The following EYS variants were observed in gnomAD, a reference collection of about 807,000 sequenced individuals.
EYS encodes the protein EGF-like photoreceptor maintenance factor.
In EYS, 250 loss-of-function variants were observed where a neutral mutation model predicts 282.1. That is an observed-to-expected ratio of 0.89 (90% confidence interval 0.80 to 0.98). EYS has a LOEUF of 0.98. Among genes scored for constraint, EYS ranks in the 50% least tolerant of loss-of-function variants. The pLI is 0.00. For missense variants in EYS, 4,016 were observed against 3,709.0 expected, an observed-to-expected ratio of 1.08 and a Z score of -2.15; for synonymous variants, 1,355 against 1,282.9, an observed-to-expected ratio of 1.06 and a Z score of -1.20.
At chr6:64,472,683 C>T (rs767250161) in intron 26 of EYS, among the ~76,000 whole-genome samples, 4 of 152,030 alleles carry the variant, frequency 2.6e-5, no homozygotes, top group Non-Finnish European at 4.4e-5. Context: ...GATATAGGCA[C>T]ATCAAAGATA....
At chr6:64,146,322 A>AGT (rs1175846890) in intron 31 of EYS, among the ~76,000 whole-genome samples, 1 of 152,216 alleles carries the variant, frequency 6.6e-6, no homozygotes, top group Admixed American at 6.6e-5. Context: ...TGTCACCAGA[A>AGT]GTGTGTGGGT....
chr6:64,582,350 G>A (rs1766097657), intron 26 of EYS, among the ~76,000 whole-genome samples: 2 of 152,220 alleles, frequency 1.3e-5, no homozygotes, highest in South Asian at 2.1e-4. Flanking sequence ...CTTCTGATGA[G>A]AATCTAACTA....
chr6:63,796,074 C>T (rs944799645), intron 37 of EYS, among the ~76,000 whole-genome samples: 3 of 152,108 alleles, frequency 2.0e-5, no homozygotes, highest in African/African-American at 7.2e-5. Context: ...AAGCATAAAA[C>T]TCATTTATTA....
intron 12 of EYS, among the ~76,000 whole-genome samples, chr6:65,165,446 T>G (rs191828692): frequency 3.7e-4 from 56 of 151,382 alleles, no homozygotes; most frequent in Admixed American, 3.2e-3. Context: ...ATATTTTTCT[T>G]AAAACAGAAT....
At chr6:64,149,492 G>A (rs966555972) in intron 31 of EYS, among the ~76,000 whole-genome samples, 21 of 152,258 alleles carry the variant, frequency 1.4e-4, no homozygotes, top group Non-Finnish European at 2.1e-4. Context: ...AAGATTTTGC[G>A]AGGATAGGAA....
At chr6:64,399,873 G>A (rs573804303) in intron 28 of EYS, among the ~76,000 whole-genome samples, 2 of 151,850 alleles carry the variant, frequency 1.3e-5, no homozygotes, top group African/African-American at 4.8e-5. Flanking sequence ...CTTTTTAATC[G>A]GAGCTGGTCC....
At chr6:65,362,549 T>C (rs1233690545) in intron 8 of EYS, among the ~76,000 whole-genome samples, 1 of 151,854 alleles carries the variant, frequency 6.6e-6, no homozygotes, top group African/African-American at 2.4e-5. Flanking sequence ...CATATATGTA[T>C]GTATACACAT....
intron 22 of EYS, among the ~76,000 whole-genome samples, chr6:64,735,969 G>A (rs905932155): frequency 9.9e-5 from 15 of 151,852 alleles, no homozygotes; most frequent in African/African-American, 2.9e-4. Context: ...CAATCAAACC[G>A]ATAGCTTAGT....
At chr6:63,889,277 A>C (rs1167173060) in intron 35 of EYS, among the ~76,000 whole-genome samples, 9 of 152,202 alleles carry the variant, frequency 5.9e-5, no homozygotes, top group Admixed American at 5.9e-4. Context: ...AATTCAGGAA[A>C]TACAGAGAAC....
At chr6:65,570,094 C>G (rs897983875) in intron 2 of EYS, among the ~76,000 whole-genome samples, 2 of 151,084 alleles carry the variant, frequency 1.3e-5, no homozygotes, top group Non-Finnish European at 2.9e-5. Context: ...GTTTTCAGCT[C>G]TAGGTGTGTG....
chr6:64,120,281 A>G (rs1016728285), intron 31 of EYS, among the ~76,000 whole-genome samples: 110 of 147,408 alleles, frequency 7.5e-4, no homozygotes, highest in African/African-American at 2.6e-3. Flanking sequence ...GCGTGAACCC[A>G]GGAGGCGGAG....
chr6:63,909,084 G>C (rs1011184561), intron 35 of EYS, among the ~76,000 whole-genome samples: 1 of 152,152 alleles, frequency 6.6e-6, no homozygotes, highest in Admixed American at 6.5e-5. Context: ...GGCCCATAGA[G>C]CCAGGTCATG....
chr6:64,740,586 G>A (rs1352905531), intron 22 of EYS, among the ~76,000 whole-genome samples: 22 of 152,144 alleles, frequency 1.4e-4, no homozygotes, highest in Non-Finnish European at 1.5e-5. Context: ...ACAAAGTAAG[G>A]TGATGGCTCT....
intron 41 of EYS, among the ~76,000 whole-genome samples, chr6:63,761,101 A>G (rs989803695): frequency 2.7e-5 from 4 of 150,928 alleles, no homozygotes; most frequent in African/African-American, 9.8e-5. Flanking sequence ...TACTCAACAG[A>G]CATGGTCACT....
chr6:65,008,684 C>G (rs569898142), intron 13 of EYS, among the ~76,000 whole-genome samples: 1 of 152,172 alleles, frequency 6.6e-6, no homozygotes, highest in Non-Finnish European at 1.5e-5. Context: ...CCCCAAGGGA[C>G]GAAGGTCCTC....
chr6:65,549,644 G>A (rs6909711), intron 2 of EYS, among the ~76,000 whole-genome samples: 83,513 of 151,974 alleles, frequency 0.55, 22,961 homozygotes, highest in East Asian at 0.71. Flanking sequence ...CTGCAATTAC[G>A]TTATTGAAAT....
chr6:64,592,015 G>A (rs766523366), intron 25 of EYS, 26 bp from the exon 26 acceptor site: 2 of 1,434,196 alleles, frequency 1.4e-6, no homozygotes, highest in African/African-American at 2.9e-5. Flanking sequence ...AAGCCAAAAA[G>A]GTTAGAAAAA....
chr6:65,155,068 A>T (rs1764701133), intron 12 of EYS, among the ~76,000 whole-genome samples: 2 of 151,604 alleles, frequency 1.3e-5, no homozygotes, highest in Admixed American at 6.6e-5. Flanking sequence ...CCAAGTATTT[A>T]AGTTATTACA....
At chr6:65,335,605 A>G (rs1562103569) in intron 10 of EYS, among the ~76,000 whole-genome samples, 1 of 151,664 alleles carries the variant, frequency 6.6e-6, no homozygotes, top group African/African-American at 2.4e-5. Flanking sequence ...TTAAAGCTAA[A>G]GCCCTGCTTC....
Sources: gnomAD v4.1 joint callset for allele counts (sites outside exome capture counted in the v4.1 genomes callset) on GRCh38, gnomAD v4.1.1 for gene constraint, MANE v1.5 for transcripts, NCBI Gene and HGNC (gene_info 2026-07-23, HGNC 2026-07-21) for gene names.